PTGER4: variants seen among roughly 807,000 people sequenced by gnomAD.
The protein encoded by PTGER4 is prostaglandin E receptor 4, also known as prostaglandin E2 receptor EP4 subtype.
PTGER4 carries 11 observed loss-of-function variants against 33.2 expected under a neutral mutation model. That is an observed-to-expected ratio of 0.33 (90% CI 0.21 to 0.55). The LOEUF (loss-of-function observed/expected upper bound fraction) is 0.55. PTGER4 is among the 20% of genes least tolerant of loss of function. The pLI is 0.92. For synonymous variants in PTGER4, 275 were observed against 281.5 expected, an observed-to-expected ratio of 0.98 and a Z score of 0.23; for missense variants, 481 against 650.2, an observed-to-expected ratio of 0.74 and a Z score of 2.83.
Position 40,680,839 on chromosome 5 carries a change from T to C in PTGER4, c.-43-112T>C. The C allele has an allele frequency of 1.0e-6, 1 of 974,556 alleles. No individual in the cohort carries two copies. The highest frequency in any genetic ancestry group is 1.5e-6 in the Non-Finnish European group (1 of 659,212). 60.4% of individuals were successfully genotyped at this position (974,556 alleles called of 1,614,324 possible). A position where few individuals can be genotyped will look rare whatever the true frequency, so the allele number is the denominator to read the frequency against. On this transcript the variant is annotated intron_variant, in intron 1 of 2. Coordinates refer to ENST00000302472, the MANE Select transcript of PTGER4 (RefSeq NM_000958.3). The surrounding 1 kb of genome is among the most constrained non-coding windows in gnomAD (Gnocchi z 5.5). ...AGTGGCTACAATCCAGAAAGTAGGA[T>C]CGAGTTGCTCCCCTTGTCTTATCAG...
At chr5:40,694,857 AT>A (rs1741557649), downstream of PTGER4, among the ~76,000 whole-genome samples, 1 of 152,358 alleles carries the variant, frequency 6.6e-6, no homozygotes, top group Middle Eastern at 3.4e-3. Context: ...TTCCATATTT[AT>A]TTGTAAAACT....
At chr5:40,722,745 T>G in the PTGER4 span, among the ~76,000 whole-genome samples, 1 of 149,174 alleles carries the variant, frequency 6.7e-6, no homozygotes. Flanking sequence ...GGGCAGCCCC[T>G]GCCCGGCCAG....
At chr5:40,682,152 G>GA (rs1741212704) in intron 2 of PTGER4, among the ~76,000 whole-genome samples, 1 of 150,542 alleles carries the variant, frequency 6.6e-6, no homozygotes, top group African/African-American at 2.4e-5. Context: ...GACACTGGCC[G>GA]AGTCTTCCAA....
In PTGER4 at chr5:40,681,635, C is replaced by T; in HGVS notation, c.642C>T (p.His214=). Residue 214 remains histidine, a synonymous_variant, in exon 2 of 3, where the codon CAC becomes CAT. Coordinates refer to ENST00000302472, the MANE Select transcript of PTGER4 (RefSeq NM_000958.3). This position sits in a 1 kb window ranked among gnomAD's most constrained non-coding sequence, Gnocchi z 9.8. ...TGTGCGGCGCGCTGCTCCGCATGCA[C>T]CGCCAGTTCATGCGCCGCACCTCGC... ...VLVCGALLRM[H]RQFMRRTSLG... 1 of 1,603,082 alleles carries T rather than the reference C, an allele frequency of 6.2e-7. No homozygotes were observed. The highest frequency in any genetic ancestry group is 1.1e-5 in the South Asian group (1 of 90,870).
At chr5:40,707,580 T>C in the PTGER4 span, among the ~76,000 whole-genome samples, 1 of 152,188 alleles carries the variant, frequency 6.6e-6, no homozygotes, top group South Asian at 2.1e-4. Flanking sequence ...ACAAAAATAA[T>C]GGGAGACTTT....
the PTGER4 span, chr5:40,716,195 C>T: frequency 2.5e-6 from 4 of 1,614,054 alleles, no homozygotes; most frequent in Admixed American, 1.7e-5. Context: ...GCACCATCCT[C>T]CTTTTCAGTT....
chr5:40,725,940 C>T, the PTGER4 span, among the ~76,000 whole-genome samples: 16 of 152,026 alleles, frequency 1.1e-4, no homozygotes, highest in Non-Finnish European at 2.9e-5. Context: ...CGCCCGCCAC[C>T]ACGTCCAGCT....
In PTGER4 at chr5:40,692,894, TA is replaced by T. The variant is rs991931956; in HGVS notation, c.*520del. The T allele has an allele frequency of 5.1e-6, 5 of 982,784 alleles. No individual in the cohort carries two copies. In the African/African-American group the frequency reaches 8.7e-5, roughly 17 times the overall value. 60.9% of individuals were successfully genotyped at this position (982,784 alleles called of 1,614,324 possible). A position where few individuals can be genotyped will look rare whatever the true frequency, so the allele number is the denominator to read the frequency against. On this transcript the variant is annotated 3_prime_UTR_variant, in exon 3 of 3. Coordinates refer to ENST00000302472, the MANE Select transcript of PTGER4 (RefSeq NM_000958.3). The stretch of plus-strand genomic sequence containing the variant: ...GGTTTATTGTTAATACAAGGTATAA[TA>T]AAATTATCGCAACCCCTCTCCTTCC...
the PTGER4 span, chr5:40,716,521 T>C: frequency 6.6e-7 from 1 of 1,520,756 alleles, no homozygotes; most frequent in Admixed American, 2.1e-5. Context: ...GTCAGAGTTT[T>C]TTGTTTTGGT....
At chr5:40,712,683 A>G in the PTGER4 span, among the ~76,000 whole-genome samples, 2 of 152,286 alleles carry the variant, frequency 1.3e-5, no homozygotes, top group African/African-American at 4.8e-5. Context: ...ACAAATCCAC[A>G]AAAGGGAAAA....
intron 2 of PTGER4, among the ~76,000 whole-genome samples, chr5:40,684,603 C>T (rs1039982255): frequency 6.6e-6 from 1 of 152,138 alleles, no homozygotes; most frequent in Non-Finnish European, 1.5e-5. Context: ...ATACATATTT[C>T]ATAAATAGAG....
Position 40,692,600 on chromosome 5 carries a change from T to C in PTGER4, c.*222T>C, listed in dbSNP as rs1364737100. ...GATGCTACCCCACTATGACAGAGGA[T>C]TGTGGTCACAACTTGATGGCTGCGA... is the stretch of plus-strand genomic sequence containing the variant. On this transcript the variant is annotated 3_prime_UTR_variant, in exon 3 of 3. Coordinates refer to ENST00000302472, the MANE Select transcript of PTGER4 (RefSeq NM_000958.3). 1.5e-6 allele frequency: 2 copies of C among 1,305,022 alleles called. No homozygotes were observed. Among genetic ancestry groups the C allele is most frequent in the Admixed American group, 7.3e-5 (2 of 27,224 alleles). The allele number at this position is 1,305,022 out of a possible 1,614,324, so 80.8% of individuals were successfully genotyped here.
the PTGER4 span, chr5:40,730,305 T>G: frequency 6.2e-7 from 1 of 1,612,770 alleles, no homozygotes; most frequent in Non-Finnish European, 8.5e-7. Flanking sequence ...TGGAGTTAAC[T>G]GTAGTGCTTC....
chr5:40,696,881 A>G (rs924320118), downstream of PTGER4, among the ~76,000 whole-genome samples: 5 of 152,036 alleles, frequency 3.3e-5, no homozygotes, highest in African/African-American at 1.2e-4. Context: ...ATAGGGCAAG[A>G]GCACAGTGAA....
chr5:40,697,631 A>G (rs890298915), downstream of PTGER4, among the ~76,000 whole-genome samples: 193 of 151,864 alleles, frequency 1.3e-3, 3 homozygotes, highest in African/African-American at 4.3e-3. Flanking sequence ...AGGAAAAGTA[A>G]TAGATTATTT....
chr5:40,730,818 G>A, the PTGER4 span, among the ~76,000 whole-genome samples: 1 of 151,848 alleles, frequency 6.6e-6, no homozygotes, highest in African/African-American at 2.4e-5. Context: ...CTTAGAAATG[G>A]GTTCATATGT....
chr5:40,709,909 T>G, the PTGER4 span, among the ~76,000 whole-genome samples: 1 of 152,340 alleles, frequency 6.6e-6, no homozygotes, highest in Admixed American at 6.5e-5. Flanking sequence ...TCCTTACACC[T>G]TATACAAAAA....
At position 40,692,215 on chromosome 5, in the gene PTGER4, G is replaced by T. The variant is rs138674524; in HGVS notation, c.1304G>T (p.Arg435Leu). 1 of 1,614,196 alleles carries T rather than the reference G, an allele frequency of 6.2e-7. No homozygotes were observed. ...GACACCACCTCACTGAGGACTTTGC[G>T]AATATCAGAGACCTCAGACTCTTCA... is the stretch of plus-strand genomic sequence containing the variant. ...QEDTTSLRTLRISETSDSSQG... is the reference protein window; with the variant it reads ...QEDTTSLRTLLISETSDSSQG... Residue 435 changes from arginine to leucine, a missense_variant, in exon 3 of 3, where the codon CGA becomes CTA. Arg to Leu is a moderately radical substitution (Grantham distance 102). This residue lies in a region of PTGER4 where 172 missense variants were observed against 199.2 expected (regional missense o/e 0.86). Transcript: ENST00000302472.
At chr5:40,735,937 T>C in the PTGER4 span, among the ~76,000 whole-genome samples, 2 of 152,212 alleles carry the variant, frequency 1.3e-5, no homozygotes, top group Admixed American at 1.3e-4. Flanking sequence ...ATGGAGTTTG[T>C]AGTGCAGTGG....
Sources: allele counts gnomAD v4.1 joint callset (sites outside exome capture counted in the v4.1 genomes callset), GRCh38; gene constraint gnomAD v4.1.1; regional missense constraint gnomAD v4.1.1; non-coding constraint Gnocchi (gnomAD v3.1); transcripts MANE v1.5; gene names NCBI Gene and HGNC (gene_info 2026-07-23, HGNC 2026-07-21).